TBC1D32: variants seen among roughly 807,000 people sequenced by gnomAD.
TBC1D32 encodes the protein protein broad-minded.
A neutral mutation model predicts 170.3 loss-of-function variants in TBC1D32; 151 were observed. The ratio of observed to expected loss-of-function variants is 0.89; its 90% CI spans 0.78 to 1.01. The LOEUF is 1.01. Among genes scored for constraint, TBC1D32 ranks in the 50% least tolerant of loss-of-function variants. TBC1D32 has a pLI of 0.00. For missense variants in TBC1D32, 1,464 were observed against 1,457.1 expected (o/e 1.00, Z -0.08); for synonymous variants, 498 against 488.0 (o/e 1.02, Z -0.27).
At chr6:121,291,551 T>TG (rs146723993) in intron 12 of TBC1D32, among the ~76,000 whole-genome samples, 11,281 of 152,200 alleles carry the variant, frequency 0.074, 447 homozygotes, top group South Asian at 0.15. Flanking sequence ...TGAAGTTTGA[T>TG]GGGGAAAAAG....
chr6:121,273,191 T>A (rs549629658), intron 15 of TBC1D32, among the ~76,000 whole-genome samples: 1 of 151,474 alleles, frequency 6.6e-6, no homozygotes, highest in African/African-American at 2.4e-5. Flanking sequence ...CACACCAACA[T>A]AGCACACGTA....
At chr6:121,317,026 G>A (rs941445965) in intron 3 of TBC1D32, among the ~76,000 whole-genome samples, 1 of 151,916 alleles carries the variant, frequency 6.6e-6, no homozygotes, top group African/African-American at 2.4e-5. Context: ...CCTATAAACT[G>A]GCAGTAGAAA....
At chr6:121,322,897 A>C (rs1295247836) in intron 1 of TBC1D32, among the ~76,000 whole-genome samples, 1 of 152,168 alleles carries the variant, frequency 6.6e-6, no homozygotes, top group Non-Finnish European at 1.5e-5. Context: ...TGTAATGTCT[A>C]TTAGCAAATT....
At chr6:121,239,864 T>G (rs1270548339) in intron 19 of TBC1D32, among the ~76,000 whole-genome samples, 1 of 152,064 alleles carries the variant, frequency 6.6e-6, no homozygotes, top group Admixed American at 6.6e-5. Flanking sequence ...CTAAAATAAG[T>G]AAGTTCATAA....
At position 121,248,297 on chromosome 6, in the gene TBC1D32, G is replaced by T. The variant is rs564236134; in HGVS notation, c.2019-5958C>A. 2.6e-5 allele frequency among the ~76,000 whole-genome samples: 4 copies of T among 151,594 alleles called. No individual in the cohort carries two copies. In the South Asian group the frequency reaches 8.3e-4, roughly 32 times the overall value. On this transcript the variant is annotated intron_variant, in intron 17 of 31. Coordinates refer to ENST00000398212, the MANE Select transcript of TBC1D32 (RefSeq NM_152730.6). The stretch of plus-strand genomic sequence containing the variant: ...TAATAGTGACACAACTTGTCAAAAC[G>T]CCTGGGATACAACAAAAGCAGTGTT...
In TBC1D32 at chr6:121,305,482, G is replaced by A. The variant is rs1349012394; in HGVS notation, c.691-649C>T. Among the ~76,000 whole-genome samples, 4 of 151,720 alleles carry A rather than the reference G, an allele frequency of 2.6e-5. No homozygotes were observed. In the East Asian group the frequency reaches 7.8e-4, roughly 30 times the overall value. ...TCATGATAAGATTAATCCTAATAGT[G>A]AAATTCAACTTTCCATTAAATAAAA... On this transcript the variant is annotated intron_variant, in intron 5 of 31. Coordinates refer to ENST00000398212, the MANE Select transcript of TBC1D32 (RefSeq NM_152730.6).
intron 22 of TBC1D32, among the ~76,000 whole-genome samples, chr6:121,172,098 GAT>G (rs975907702): frequency 6.6e-6 from 1 of 151,800 alleles, no homozygotes; most frequent in Non-Finnish European, 1.5e-5. Flanking sequence ...GGCTGTTCAT[GAT>G]ATATATATAT....
chr6:121,110,901 C>A (rs1312287527), intron 29 of TBC1D32, among the ~76,000 whole-genome samples: 1 of 152,070 alleles, frequency 6.6e-6, no homozygotes, highest in Non-Finnish European at 1.5e-5. Context: ...AGCATCAAAA[C>A]AAACTACTGG....
intron 1 of TBC1D32, among the ~76,000 whole-genome samples, chr6:121,326,360 T>C (rs535389544): frequency 5.3e-5 from 8 of 152,248 alleles, no homozygotes; most frequent in Non-Finnish European, 1.0e-4. Context: ...AGAAGGAAGA[T>C]ACTGAATTGA....
chr6:121,113,021 G>GA, intron 28 of TBC1D32, 41 bp downstream of exon 28: 1 of 1,446,136 alleles, frequency 6.9e-7, no homozygotes, highest in Non-Finnish European at 9.5e-7. Context: ...AAAAATATGT[G>GA]AAAAAAATTA....
At chr6:121,299,375 A>G in intron 10 of TBC1D32, 71 bp downstream of exon 10, 1 of 1,404,268 alleles carries the variant, frequency 7.1e-7, no homozygotes, top group Middle Eastern at 2.5e-4. Flanking sequence ...AACTTTGCAT[A>G]GTCAAGTTAT....
intron 9 of TBC1D32, among the ~76,000 whole-genome samples, chr6:121,301,260 G>T (rs1407465327): frequency 6.6e-6 from 1 of 152,032 alleles, no homozygotes; most frequent in African/African-American, 2.4e-5. Flanking sequence ...TTGCAGCACT[G>T]TTCACAATAG....
chr6:121,297,466 A>T (rs1433740726), intron 10 of TBC1D32, among the ~76,000 whole-genome samples: 1 of 152,088 alleles, frequency 6.6e-6, no homozygotes, highest in Non-Finnish European at 1.5e-5. Context: ...GCACTACATA[A>T]AACCATTTCA....
chr6:121,127,051 A>G (rs1305925008), intron 25 of TBC1D32, among the ~76,000 whole-genome samples: 1 of 152,170 alleles, frequency 6.6e-6, no homozygotes, highest in Non-Finnish European at 1.5e-5. Context: ...GTACAATATA[A>G]TTAATATGCA....
At chr6:121,193,655 A>G (rs533742076) in intron 22 of TBC1D32, among the ~76,000 whole-genome samples, 1 of 152,386 alleles carries the variant, frequency 6.6e-6, no homozygotes, top group Admixed American at 6.5e-5. Flanking sequence ...GAAACAAAGC[A>G]GCAAACAGAA....
intron 15 of TBC1D32, among the ~76,000 whole-genome samples, chr6:121,266,534 T>C (rs906994965): frequency 3.7e-4 from 56 of 152,040 alleles, no homozygotes; most frequent in African/African-American, 1.4e-3. Context: ...CGCAGAAATA[T>C]CATTTGAGTC....
chr6:121,152,148 C>T (rs962404588), intron 24 of TBC1D32, among the ~76,000 whole-genome samples: 1 of 152,114 alleles, frequency 6.6e-6, no homozygotes, highest in African/African-American at 2.4e-5. Context: ...ACTGGTTTTT[C>T]CTTTCAATAT....
At position 121,151,613 on chromosome 6, in the gene TBC1D32, C is replaced by G. The variant is rs1001570968; in HGVS notation, c.2773+8397G>C. Among the ~76,000 whole-genome samples the G allele has an allele frequency of 1.4e-4, 22 of 152,208 alleles. No individual in the cohort carries two copies. The East Asian group carries it at 2.3e-3, about 16-fold the overall frequency. On this transcript the variant is annotated intron_variant, in intron 24 of 31. Coordinates refer to ENST00000398212, the MANE Select transcript of TBC1D32 (RefSeq NM_152730.6). ...ATTGACAGTAGGGTGCTAAAGTCTC[C>G]CACTATTATTGTGTGTGAGTCTAAG...
intron 22 of TBC1D32, among the ~76,000 whole-genome samples, chr6:121,175,227 T>C (rs971364586): frequency 6.6e-6 from 1 of 152,120 alleles, no homozygotes; most frequent in African/African-American, 2.4e-5. Context: ...AACCACTGAA[T>C]AGATAATGAA....
Sources: gnomAD v4.1 joint callset for allele counts (sites outside exome capture counted in the v4.1 genomes callset) on GRCh38, gnomAD v4.1.1 for gene constraint, MANE v1.5 for transcripts, NCBI Gene and HGNC (gene_info 2026-07-23, HGNC 2026-07-21) for gene names.